PCSK4: variants seen among roughly 807,000 people sequenced by gnomAD.
The protein encoded by PCSK4 is proprotein convertase subtilisin/kexin type 4.
PCSK4 carries 64 observed loss-of-function variants against 80.3 expected under a neutral mutation model. The observed-to-expected ratio is 0.80, with a 90% CI of 0.65 to 0.98. The LOEUF (loss-of-function observed/expected upper bound fraction) is 0.98. PCSK4 is among the 50% of genes least tolerant of loss of function. PCSK4 has a pLI of 0.00. For missense variants in PCSK4, 1,213 were observed against 1,093.6 expected (o/e 1.11, Z -1.54); for synonymous variants, 561 against 487.6 (o/e 1.15, Z -1.98).
intron 13 of PCSK4, 111 bp downstream of exon 13, chr19:1,482,785 A>G (rs1599198445): frequency 1.7e-6 from 2 of 1,176,402 alleles, no homozygotes; most frequent in East Asian, 4.8e-5. Flanking sequence ...TCTCTTGGAG[A>G]AGGCCACTGG....
rs1319499401 is a variant in PCSK4 at position 1,488,328 on chromosome 19, GC to G, written c.295-49del. ...GGCCTGTCCCCTGCTCGCCCCTGGG[GC>G]CCCTCGTGGTTCAGGGAGTGAGGCA... On this transcript the variant is annotated intron_variant, in intron 2 of 14. Transcript: ENST00000300954. 2.0e-6 allele frequency: 3 copies of G among 1,479,980 alleles called. No homozygotes were observed. In the South Asian group the frequency reaches 3.5e-5, roughly 17 times the overall value. 91.7% of individuals were successfully genotyped at this position (1,479,980 alleles called of 1,614,324 possible).
In PCSK4 at chr19:1,487,254, G is replaced by A. The variant is rs769643428; in HGVS notation, c.742C>T (p.Gln248Ter). The A allele has an allele frequency of 1.2e-6, 2 of 1,603,804 alleles. No homozygotes were observed. The highest frequency in any genetic ancestry group is 1.1e-5 in the South Asian group (1 of 90,938). Residue 248 changes from glutamine to a stop codon, truncating the protein, a stop_gained, in exon 7 of 15, where the codon CAG becomes TAG. Coordinates refer to ENST00000300954, the Ensembl canonical transcript of PCSK4. LOFTEE classifies it high-confidence loss of function. ...CTGTAAATGTGGATGTGCTGCGGCT[G>A]CAGGCTCAGCGACTGGGCCTCGATG...
exon 7 of PCSK4, chr19:1,487,215 G>A (rs1215098332): frequency 1.2e-6 from 2 of 1,607,756 alleles, no homozygotes; most frequent in East Asian, 2.2e-5. Context: ...TCGTCCTCGG[G>A]ACCCCAGCTG....
upstream of PCSK4, chr19:1,490,564 G>A (rs951533504): frequency 9.0e-5 from 43 of 479,408 alleles, no homozygotes; most frequent in Admixed American, 1.6e-3. Flanking sequence ...ACACCCTCGG[G>A]AGCCTCAGTT....
chr19:1,486,245 G>A (rs2084602163), intron 8 of PCSK4, among the ~76,000 whole-genome samples: 2 of 152,062 alleles, frequency 1.3e-5, no homozygotes, highest in Non-Finnish European at 2.9e-5. Flanking sequence ...CCAAAGTGCT[G>A]GGATTACAGG....
At chr19:1,484,050 C>A (rs1445556411) in exon 9 of PCSK4, 1 of 1,556,316 alleles carries the variant, frequency 6.4e-7, no homozygotes, top group South Asian at 1.2e-5. Flanking sequence ...CTAGGGCGAT[C>A]ATGCCGGCCG....
intron 8 of PCSK4, among the ~76,000 whole-genome samples, chr19:1,486,531 C>T (rs561153308): frequency 1.4e-5 from 2 of 145,712 alleles, no homozygotes; most frequent in East Asian, 2.0e-4. Context: ...CTCCCGACCT[C>T]GTGATCCACC....
chr19:1,489,684 G>T, intron 2 of PCSK4, 109 bp downstream of exon 2: 1 of 1,493,288 alleles, frequency 6.7e-7, no homozygotes, highest in Non-Finnish European at 9.0e-7. Context: ...CTGAGCCACA[G>T]AAAGCACACA....
chr19:1,487,063 G>T (rs368185423), exon 8 of PCSK4: 75 of 1,604,576 alleles, frequency 4.7e-5, no homozygotes, highest in Non-Finnish European at 6.3e-5. Flanking sequence ...GCCCGCCGCG[G>T]CCCTGGGAAA....
chr19:1,488,878 G>A (rs2084785678), intron 2 of PCSK4, among the ~76,000 whole-genome samples: 1 of 152,154 alleles, frequency 6.6e-6, no homozygotes. Context: ...ACCACGCCAG[G>A]CCTGGCTTCT....
At chr19:1,483,654 G>C in exon 11 of PCSK4, 3 of 1,587,286 alleles carry the variant, frequency 1.9e-6, no homozygotes, top group Non-Finnish European at 2.6e-6. Context: ...TCTCACGTGG[G>C]GCGGCTCTGG....
At chr19:1,489,389 C>T (rs572778269) in intron 2 of PCSK4, among the ~76,000 whole-genome samples, 2 of 152,360 alleles carry the variant, frequency 1.3e-5, no homozygotes, top group African/African-American at 2.4e-5. Context: ...CCGCCTCCGC[C>T]TCCCAAAGTG....
In PCSK4 at chr19:1,483,552, G is replaced by A. The variant is rs1347055230; in HGVS notation, c.1392-89C>T. On this transcript the variant is annotated intron_variant, in intron 11 of 14. Transcript: ENST00000300954. ...GGCGAGGTCGGGGCTCAGAGGTCAC[G>A]GGGTCCAGCCCTCGTTTTACAGATG... is the stretch of plus-strand genomic sequence containing the variant. 7 of 1,413,462 alleles carry A rather than the reference G, an allele frequency of 5.0e-6. No individual in the cohort carries two copies. The Admixed American group carries it at 5.7e-5, about 11-fold the overall frequency. 87.6% of individuals were successfully genotyped at this position (1,413,462 alleles called of 1,614,324 possible).
At chr19:1,487,438 G>T in intron 6 of PCSK4, 125 bp from the exon 7 acceptor site, 1 of 1,006,266 alleles carries the variant, frequency 9.9e-7, no homozygotes, top group Non-Finnish European at 1.5e-6. Flanking sequence ...CCCTGGAGTG[G>T]GACCATTCGT....
rs371971764 is a variant in PCSK4 at position 1,487,117 on chromosome 19, T to C, written c.855+24A>G. The C allele has an allele frequency of 4.6e-5, 73 of 1,602,448 alleles. 3 individuals are homozygous for C. The South Asian group carries it at 7.3e-4, about 16-fold the overall frequency. The stretch of plus-strand genomic sequence containing the variant: ...GGGCGTCGGCCTGGCCTGCCACCCC[T>C]GCCCTCCTCGGGCTGCCACTCACCT... On this transcript the variant is annotated intron_variant, in intron 7 of 14. Transcript: ENST00000300954.
At chr19:1,488,859 G>A (rs573020510) in intron 2 of PCSK4, among the ~76,000 whole-genome samples, 1 of 152,322 alleles carries the variant, frequency 6.6e-6, no homozygotes, top group East Asian at 1.9e-4. Context: ...GGGATTACAG[G>A]CATGAACCAC....
At chr19:1,481,789 T>A (rs2084304173) in exon 15 of PCSK4, 1 of 1,504,720 alleles carries the variant, frequency 6.6e-7, no homozygotes, top group Non-Finnish European at 8.9e-7. Context: ...AGACCTGGGG[T>A]TTGGTGGGGG....
At position 1,483,477 on chromosome 19, in the gene PCSK4, G is replaced by C. The variant is rs774804183; in HGVS notation, c.1392-14C>G. 4 of 1,569,672 alleles carry C rather than the reference G, an allele frequency of 2.5e-6. No individual in the cohort carries two copies. Among genetic ancestry groups the C allele is most frequent in the Non-Finnish European group, 3.5e-6 (4 of 1,158,550 alleles). On this transcript the variant is annotated splice_polypyrimidine_tract_variant and intron_variant, in intron 11 of 14. Transcript: ENST00000300954. ...GGCAGGATGGGGCTGAGGGGGTCGA[G>C]GGGTGAGGACCCTCCTGCGGCCTGC...
At position 1,483,481 on chromosome 19, in the gene PCSK4, T is replaced by G. The variant is rs1458807301; in HGVS notation, c.1392-18A>C. Reference sequence around the variant, plus strand: ...GGATGGGGCTGAGGGGGTCGAGGGGTGAGGACCCTCCTGCGGCCTGCTGGG... The same window carrying G: ...GGATGGGGCTGAGGGGGTCGAGGGGGGAGGACCCTCCTGCGGCCTGCTGGG... On this transcript the variant is annotated intron_variant, in intron 11 of 14. Transcript: ENST00000300954. The G allele has an allele frequency of 2.7e-6, 4 of 1,495,710 alleles. No homozygotes were observed. The highest frequency in any genetic ancestry group is 1.9e-5 in the Admixed American group (1 of 52,862). The allele number at this position is 1,495,710 out of a possible 1,614,324, so 92.7% of individuals were successfully genotyped here.
Sources: gnomAD v4.1 joint callset for allele counts (sites outside exome capture counted in the v4.1 genomes callset) on GRCh38, gnomAD v4.1.1 for gene constraint, MANE v1.5 for transcripts, NCBI Gene and HGNC (gene_info 2026-07-23, HGNC 2026-07-21) for gene names.